Variants in CBL observed in about 807,000 individuals in gnomAD.
The protein encoded by CBL is E3 ubiquitin-protein ligase CBL.
A neutral mutation model predicts 96.9 loss-of-function variants in CBL; 45 were observed. The ratio of observed to expected loss-of-function variants is 0.46; its 90% CI spans 0.37 to 0.60. CBL has a LOEUF of 0.60. CBL is among the 20% of genes least tolerant of loss of function. The pLI is 0.00. For missense variants in CBL, 1,024 were observed against 1,143.5 expected (o/e 0.90, Z 1.51); for synonymous variants, 420 against 426.8 (o/e 0.98, Z 0.20).
At chr11:119,247,014 G>T (rs1056953935) in intron 2 of CBL, among the ~76,000 whole-genome samples, 1 of 152,106 alleles carries the variant, frequency 6.6e-6, no homozygotes, top group African/African-American at 2.4e-5. Context: ...GATGGTTGTG[G>T]ATAGAAGTTT....
At chr11:119,256,933 G>A (rs748890196) in intron 2 of CBL, among the ~76,000 whole-genome samples, 35 of 152,252 alleles carry the variant, frequency 2.3e-4, no homozygotes, top group Middle Eastern at 6.8e-3. Context: ...ATTCCATGGT[G>A]TATATATTAA....
intron 12 of CBL, among the ~76,000 whole-genome samples, chr11:119,294,710 G>A (rs1591268777): frequency 6.6e-6 from 1 of 151,480 alleles, no homozygotes; most frequent in African/African-American, 2.4e-5. Context: ...AGAATCGCTT[G>A]AACCTGGAAG....
At chr11:119,210,936 T>C (rs955779209) in intron 1 of CBL, among the ~76,000 whole-genome samples, 2 of 152,170 alleles carry the variant, frequency 1.3e-5, no homozygotes, top group Non-Finnish European at 2.9e-5. Context: ...GTACATATAC[T>C]ATGTTTTTCC....
chr11:119,303,688 C>A lies in CBL; in HGVS notation c.*3907C>A, dbSNP rs146474384. ...TTGGTGTAAGTGTCATGGATACCGA[C>A]TGTTTTTATGTTGGAATTTGTTCCA... On this transcript the variant is annotated 3_prime_UTR_variant, in exon 16 of 16. Transcript: ENST00000264033. 2.5e-4 allele frequency: 59 copies of A among 233,698 alleles called. 1 individual carries two copies. Among genetic ancestry groups the A allele is most frequent in the African/African-American group, 1.1e-3 (50 of 45,438 alleles). 14.5% of individuals were successfully genotyped at this position (233,698 alleles called of 1,614,324 possible). A position where few individuals can be genotyped will look rare whatever the true frequency, so the allele number is the denominator to read the frequency against.
At chr11:119,235,512 GAAT>G (rs2135268284) in intron 2 of CBL, among the ~76,000 whole-genome samples, 1 of 152,300 alleles carries the variant, frequency 6.6e-6, no homozygotes, top group African/African-American at 2.4e-5. Context: ...TCTTCAGGTT[GAAT>G]AGGCTGAGGA....
At chr11:119,258,988 T>G (rs1162679005) in intron 2 of CBL, among the ~76,000 whole-genome samples, 3 of 152,246 alleles carry the variant, frequency 2.0e-5, no homozygotes, top group African/African-American at 7.2e-5. Flanking sequence ...GTAGAGATCT[T>G]TCATCTCCTT....
intron 1 of CBL, among the ~76,000 whole-genome samples, chr11:119,225,345 C>T (rs1949449861): frequency 6.6e-6 from 1 of 152,078 alleles, no homozygotes; most frequent in Non-Finnish European, 1.5e-5. Flanking sequence ...GATTCTCCCG[C>T]CTTGGCCTCC....
chr11:119,263,481 A>G (rs1949770376), intron 2 of CBL, among the ~76,000 whole-genome samples: 1 of 152,192 alleles, frequency 6.6e-6, no homozygotes, highest in Admixed American at 6.5e-5. Flanking sequence ...TTAGCTTGAA[A>G]TGCTCTGGAT....
At position 119,308,046 on chromosome 11, in the gene CBL, A is replaced by AT. The variant is rs1057116736; in HGVS notation, c.*8273dup. ...TCTGTTTTACTAATGTTATTTATTA[A>AT]TTTTTTTTCATTTCCATACACAGTT... On this transcript the variant is annotated 3_prime_UTR_variant, in exon 16 of 16. Coordinates refer to ENST00000264033, the MANE Select transcript of CBL (RefSeq NM_005188.4). 2 of 180,906 alleles carry AT rather than the reference A, an allele frequency of 1.1e-5. No homozygotes were observed. The highest frequency in any genetic ancestry group is 2.4e-5 in the Non-Finnish European group (2 of 84,460). 11.2% of individuals were successfully genotyped at this position (180,906 alleles called of 1,614,324 possible).
chr11:119,218,757 A>C (rs1949383254), intron 1 of CBL, among the ~76,000 whole-genome samples: 1 of 152,210 alleles, frequency 6.6e-6, no homozygotes, highest in South Asian at 2.1e-4. Flanking sequence ...TATTTTGCTT[A>C]ATGACCCTCA....
intron 2 of CBL, among the ~76,000 whole-genome samples, chr11:119,260,034 A>G (rs530953259): frequency 6.6e-6 from 1 of 152,238 alleles, no homozygotes; most frequent in South Asian, 2.1e-4. Flanking sequence ...ATTATTCACA[A>G]ATCTGTTTTC....
At chr11:119,252,255 T>C (rs1949675098) in intron 2 of CBL, among the ~76,000 whole-genome samples, 1 of 152,210 alleles carries the variant, frequency 6.6e-6, no homozygotes, top group African/African-American at 2.4e-5. Context: ...ATCTAGGTGG[T>C]TGAAATCCAA....
Position 119,299,858 on chromosome 11 carries a change from G to C in CBL, c.*77G>C. 1.4e-6 allele frequency: 2 copies of C among 1,427,348 alleles called. No individual in the cohort carries two copies. The highest frequency in any genetic ancestry group is 2.3e-5 in the South Asian group (2 of 87,156). 88.4% of individuals were successfully genotyped at this position (1,427,348 alleles called of 1,614,324 possible). On this transcript the variant is annotated 3_prime_UTR_variant, in exon 16 of 16. Transcript: ENST00000264033. ...ACTCAAGTGGCACCTAGAAGGGCAG[G>C]AGTTCCTTTGGTGACTTCACAGTGA...
intron 1 of CBL, among the ~76,000 whole-genome samples, chr11:119,230,232 A>C (rs1322092457): frequency 4.0e-5 from 6 of 151,730 alleles, no homozygotes; most frequent in East Asian, 1.9e-4. Flanking sequence ...GCTCACTGCA[A>C]GCTCCGCCTC....
intron 2 of CBL, among the ~76,000 whole-genome samples, chr11:119,259,217 A>G (rs1252421194): frequency 6.6e-6 from 1 of 151,926 alleles, no homozygotes; most frequent in African/African-American, 2.4e-5. Context: ...GTATGTGATG[A>G]TATTATTGGC....
chr11:119,245,325 T>C (rs1369350828), intron 2 of CBL, among the ~76,000 whole-genome samples: 1 of 152,148 alleles, frequency 6.6e-6, no homozygotes, highest in African/African-American at 2.4e-5. Flanking sequence ...ATATGGGTCA[T>C]ATCGATCAAC....
intron 12 of CBL, among the ~76,000 whole-genome samples, chr11:119,290,414 G>T (rs1363768529): frequency 6.6e-6 from 1 of 150,530 alleles, no homozygotes; most frequent in Non-Finnish European, 1.5e-5. Context: ...CAGCACTTTG[G>T]GAGGCCAAGG....
rs146799291 is a variant in CBL at position 119,238,954 on chromosome 11, A to G, written c.443+6259A>G. The stretch of plus-strand genomic sequence containing the variant: ...ATGAATACTGGATATATTTCCACTT[A>G]TATTTTTATTCATTTTTGTCTTTGT... On this transcript the variant is annotated intron_variant, in intron 2 of 15. Coordinates refer to ENST00000264033, the MANE Select transcript of CBL (RefSeq NM_005188.4). Among the ~76,000 whole-genome samples the G allele has an allele frequency of 6.6e-5, 10 of 152,122 alleles. No homozygotes were observed. The East Asian group carries it at 1.5e-3, about 24-fold the overall frequency.
Position 119,305,287 on chromosome 11 carries a change from A to T in CBL, c.*5506A>T. 1 of 232,270 alleles carries T rather than the reference A, an allele frequency of 4.3e-6. No homozygotes were observed. Among genetic ancestry groups the T allele is most frequent in the Non-Finnish European group, 8.5e-6 (1 of 117,492 alleles). 14.4% of individuals were successfully genotyped at this position (232,270 alleles called of 1,614,324 possible). A position where few individuals can be genotyped will look rare whatever the true frequency, so the allele number is the denominator to read the frequency against. On this transcript the variant is annotated 3_prime_UTR_variant, in exon 16 of 16. Transcript: ENST00000264033. ...ATTTCTTCCCTCCCTCTTGTGGGCC[A>T]GCCTGTCCTGTTCCAGAGCTAGCCT... is the stretch of plus-strand genomic sequence containing the variant.
Sources: gnomAD v4.1 joint callset for allele counts (sites outside exome capture counted in the v4.1 genomes callset) on GRCh38, gnomAD v4.1.1 for gene constraint, MANE v1.5 for transcripts, NCBI Gene and HGNC (gene_info 2026-07-23, HGNC 2026-07-21) for gene names.